The following LRRC7 variants were observed in gnomAD, a reference collection of about 807,000 sequenced individuals.
LRRC7 encodes leucine rich repeat containing 7, also known as leucine-rich repeat-containing protein 7.
LRRC7 carries 23 observed loss-of-function variants against 175.7 expected under a neutral mutation model. The ratio of observed to expected loss-of-function variants is 0.13; its 90% CI spans 0.09 to 0.19. LRRC7 has a LOEUF of 0.19. Ranked by LOEUF, LRRC7 falls within the 10% of genes least tolerant of loss-of-function variation. The pLI is 1.00. For missense variants in LRRC7, 1,354 were observed against 1,904.7 expected (o/e 0.71, Z 5.38); for synonymous variants, 685 against 680.9 (o/e 1.01, Z -0.09).
At chr1:70,077,870 C>T (rs931387106) in intron 24 of LRRC7, among the ~76,000 whole-genome samples, 1 of 152,098 alleles carries the variant, frequency 6.6e-6, no homozygotes, top group African/African-American at 2.4e-5. Context: ...ACATCAAGTA[C>T]ATTTCAAACT....
chr1:70,033,335 T>C (rs1490141967), intron 18 of LRRC7, among the ~76,000 whole-genome samples: 1 of 152,194 alleles, frequency 6.6e-6, no homozygotes, highest in African/African-American at 2.4e-5. Flanking sequence ...AATAAGGTTG[T>C]CTTTTAAATA....
intron 2 of LRRC7, among the ~76,000 whole-genome samples, chr1:69,695,308 A>T (rs1249517734): frequency 1.3e-5 from 2 of 152,214 alleles, no homozygotes; most frequent in Non-Finnish European, 2.9e-5. Flanking sequence ...CTGGCAGAAG[A>T]AATCTATAAG....
At chr1:69,685,048 G>T (rs1283243480) in intron 2 of LRRC7, among the ~76,000 whole-genome samples, 1 of 152,132 alleles carries the variant, frequency 6.6e-6, no homozygotes, top group Admixed American at 6.5e-5. Flanking sequence ...GTTTACCTAG[G>T]AATATTAGAG....
intron 7 of LRRC7, among the ~76,000 whole-genome samples, chr1:69,900,772 AG>A: frequency 6.6e-6 from 1 of 152,284 alleles, no homozygotes; most frequent in South Asian, 2.1e-4. Context: ...TTTTCACACT[AG>A]GGATATGCAA....
intron 7 of LRRC7, among the ~76,000 whole-genome samples, chr1:69,861,145 A>G (rs947404232): frequency 3.3e-5 from 5 of 152,256 alleles, no homozygotes; most frequent in African/African-American, 7.2e-5. Context: ...TGAAAGTTAT[A>G]TTTTAATTTT....
At chr1:69,841,913 G>A (rs1681776985) in intron 7 of LRRC7, among the ~76,000 whole-genome samples, 1 of 152,086 alleles carries the variant, frequency 6.6e-6, no homozygotes, top group Admixed American at 6.6e-5. Context: ...TTGGAGAGCA[G>A]CATGAAGTCA....
intron 22 of LRRC7, among the ~76,000 whole-genome samples, chr1:70,048,862 A>C (rs2102053739): frequency 6.6e-6 from 1 of 152,232 alleles, no homozygotes. Flanking sequence ...CCAAGAAAAT[A>C]ACTCATTAAT....
chr1:69,674,881 A>G (rs1659564519), intron 1 of LRRC7, among the ~76,000 whole-genome samples: 1 of 152,212 alleles, frequency 6.6e-6, no homozygotes, highest in Non-Finnish European at 1.5e-5. Context: ...TTAAAATATT[A>G]GTATATGATC....
At chr1:69,747,892 A>G (rs921621810) in intron 2 of LRRC7, among the ~76,000 whole-genome samples, 12 of 152,168 alleles carry the variant, frequency 7.9e-5, no homozygotes, top group Non-Finnish European at 1.6e-4. Context: ...TCATTTAACA[A>G]TTGTTAAATC....
intron 2 of LRRC7, among the ~76,000 whole-genome samples, chr1:69,693,041 C>A (rs1445032288): frequency 6.6e-6 from 1 of 151,870 alleles, no homozygotes; most frequent in Non-Finnish European, 1.5e-5. Context: ...CAGACACGGA[C>A]AGGAGTCTAC....
intron 1 of LRRC7, among the ~76,000 whole-genome samples, chr1:69,639,482 T>C (rs1254389185): frequency 6.6e-6 from 1 of 151,850 alleles, no homozygotes; most frequent in Non-Finnish European, 1.5e-5. Context: ...GCAAACTCTA[T>C]TTTTGTGAAA....
intron 7 of LRRC7, among the ~76,000 whole-genome samples, chr1:69,902,007 A>G (rs934619715): frequency 7.2e-5 from 11 of 152,204 alleles, no homozygotes; most frequent in Non-Finnish European, 1.5e-4. Flanking sequence ...TCTAAATTGT[A>G]TGATAGAATG....
rs1004500265 is a variant in LRRC7, at chr1:69,884,276, C to A, written c.647+45993C>A. The stretch of plus-strand genomic sequence containing the variant: ...GGAATGTTCTTCCATTTGTTTGTAT[C>A]TTCTTTTATTTCATTGAGCAGTGGT... On this transcript the variant is annotated intron_variant, in intron 7 of 26. Transcript: ENST00000651989. Among the ~76,000 whole-genome samples, 15 of 93,384 alleles carry A rather than the reference C, an allele frequency of 1.6e-4. 3 individuals carry two copies. The highest frequency in any genetic ancestry group is 5.7e-4 in the African/African-American group (14 of 24,528). 61.3% of individuals were successfully genotyped at this position (93,384 alleles called of 152,430 possible).
chr1:69,633,587 T>A (rs1652853741), intron 1 of LRRC7, among the ~76,000 whole-genome samples: 1 of 151,830 alleles, frequency 6.6e-6, no homozygotes, highest in Non-Finnish European at 1.5e-5. Context: ...TGCCACCATA[T>A]CCAGCTAATT....
chr1:69,991,639 G>A (rs185697941), intron 10 of LRRC7, among the ~76,000 whole-genome samples: 5 of 152,242 alleles, frequency 3.3e-5, no homozygotes, highest in Admixed American at 6.5e-5. Context: ...GAATTGCATC[G>A]TGTCCTCCTT....
At chr1:69,757,626 G>A (rs1181955712) in intron 2 of LRRC7, among the ~76,000 whole-genome samples, 2 of 151,940 alleles carry the variant, frequency 1.3e-5, no homozygotes, top group East Asian at 3.9e-4. Flanking sequence ...GTAGACAGTG[G>A]ACACTGGCCA....
intron 7 of LRRC7, among the ~76,000 whole-genome samples, chr1:69,844,757 C>T (rs899023356): frequency 6.6e-6 from 1 of 151,968 alleles, no homozygotes; most frequent in East Asian, 1.9e-4. Context: ...TTTAGGAAAC[C>T]ATTCACTATA....
chr1:69,838,849 A>G (rs1681410477), intron 7 of LRRC7, among the ~76,000 whole-genome samples: 9 of 151,982 alleles, frequency 5.9e-5, no homozygotes, highest in Admixed American at 5.9e-4. Context: ...AATCCTTAAA[A>G]TTTTATGCAA....
intron 7 of LRRC7, among the ~76,000 whole-genome samples, chr1:69,877,586 TCAC>T (rs1400530118): frequency 6.6e-6 from 1 of 152,196 alleles, no homozygotes; most frequent in African/African-American, 2.4e-5. Context: ...AGTGCAATTA[TCAC>T]CACAATTTAA....
Sources: allele counts gnomAD v4.1 joint callset (sites outside exome capture counted in the v4.1 genomes callset), GRCh38; gene constraint gnomAD v4.1.1; transcripts MANE v1.5; gene names NCBI Gene and HGNC (gene_info 2026-07-23, HGNC 2026-07-21).